The following LRMDA variants were observed in gnomAD, a reference collection of about 807,000 sequenced individuals.
The protein encoded by LRMDA is leucine rich melanocyte differentiation associated, also known as leucine-rich melanocyte differentiation-associated protein.
LRMDA carries 18 observed loss-of-function variants against 29.8 expected under a neutral mutation model. That is an observed-to-expected ratio of 0.60 (90% CI 0.42 to 0.90). The LOEUF is 0.90. LRMDA is among the 40% of genes least tolerant of loss of function. The pLI, the probability that LRMDA is intolerant of heterozygous loss-of-function variation, is 0.00. For missense variants in LRMDA, 273 were observed against 273.9 expected (o/e 1.00, Z 0.02); for synonymous variants, 125 against 109.4 (o/e 1.14, Z -0.89).
At chr10:76,061,018 TG>T (rs1564642372) in intron 5 of LRMDA, among the ~76,000 whole-genome samples, 1 of 152,210 alleles carries the variant, frequency 6.6e-6, no homozygotes, top group African/African-American at 2.4e-5. Flanking sequence ...ATCCTATTAC[TG>T]GGTATATACT....
At chr10:75,628,400 A>G (rs1034268286) in intron 2 of LRMDA, among the ~76,000 whole-genome samples, 1 of 152,336 alleles carries the variant, frequency 6.6e-6, no homozygotes, top group East Asian at 1.9e-4. Flanking sequence ...ATAAGATTTC[A>G]TTCTCTCCTT....
At chr10:76,239,793 C>T (rs1485731036) in intron 5 of LRMDA, among the ~76,000 whole-genome samples, 1 of 151,820 alleles carries the variant, frequency 6.6e-6, no homozygotes, top group Non-Finnish European at 1.5e-5. Context: ...GTATATGGTG[C>T]TGTATACTTC....
At chr10:76,369,089 C>G (rs1472013352) in intron 6 of LRMDA, among the ~76,000 whole-genome samples, 1 of 152,090 alleles carries the variant, frequency 6.6e-6, no homozygotes, top group East Asian at 1.9e-4. Flanking sequence ...AGCATTTAGG[C>G]CATTTACATT....
intron 2 of LRMDA, among the ~76,000 whole-genome samples, chr10:75,691,674 T>C (rs1160206609): frequency 1.3e-5 from 2 of 152,184 alleles, no homozygotes; most frequent in Non-Finnish European, 2.9e-5. Context: ...CTGAGTTTTT[T>C]CTCTGATTAA....
intron 2 of LRMDA, among the ~76,000 whole-genome samples, chr10:75,679,923 A>T (rs1842004254): frequency 6.6e-6 from 1 of 152,202 alleles, no homozygotes. Context: ...AAAAACCCTT[A>T]AATTATCTTA....
rs572923803 is a variant in LRMDA, at chr10:76,265,074, C to T, written c.517-59327C>T. Among the ~76,000 whole-genome samples, 43 of 152,282 alleles carry T rather than the reference C, an allele frequency of 2.8e-4. No homozygotes were observed. In the South Asian group the frequency reaches 4.8e-3, roughly 17 times the overall value. ...AAATGGATTCTCCCTCTTCAACTTT[C>T]GAAACTTATATTTGATCCCCATGGC... On this transcript the variant is annotated intron_variant, in intron 5 of 6. Transcript: ENST00000611255.
chr10:76,453,777 G>A (rs1054283648), intron 6 of LRMDA, among the ~76,000 whole-genome samples: 1 of 152,160 alleles, frequency 6.6e-6, no homozygotes, highest in African/African-American at 2.4e-5. Context: ...TATTAAATTA[G>A]AGCCCAGTTG....
intron 5 of LRMDA, among the ~76,000 whole-genome samples, chr10:76,155,076 G>A (rs1345008405): frequency 2.6e-5 from 4 of 152,146 alleles, no homozygotes; most frequent in Non-Finnish European, 5.9e-5. Context: ...ATTTCCTAGA[G>A]AAGAATGAGA....
chr10:75,987,649 A>G (rs997394855), intron 2 of LRMDA, among the ~76,000 whole-genome samples: 3 of 151,926 alleles, frequency 2.0e-5, no homozygotes, highest in African/African-American at 7.3e-5. Flanking sequence ...CACCCTCTCC[A>G]CTTCGAAGTC....
intron 5 of LRMDA, among the ~76,000 whole-genome samples, chr10:76,084,743 TC>T (rs1849107285): frequency 6.6e-6 from 1 of 152,204 alleles, no homozygotes; most frequent in Admixed American, 6.5e-5. Context: ...GACATTATTA[TC>T]AAAATTATTA....
At chr10:75,889,227 T>G (rs550535541) in intron 2 of LRMDA, among the ~76,000 whole-genome samples, 1 of 152,332 alleles carries the variant, frequency 6.6e-6, no homozygotes, top group East Asian at 1.9e-4. Flanking sequence ...TAGCAAGTGA[T>G]GTAATCTCCC....
intron 2 of LRMDA, among the ~76,000 whole-genome samples, chr10:75,756,117 C>T (rs1183308411): frequency 6.6e-6 from 1 of 152,174 alleles, no homozygotes; most frequent in Non-Finnish European, 1.5e-5. Context: ...TGTGCTGGGG[C>T]AGAGACTTCT....
At chr10:75,597,687 G>A (rs1840811070) in intron 2 of LRMDA, among the ~76,000 whole-genome samples, 1 of 152,150 alleles carries the variant, frequency 6.6e-6, no homozygotes, top group Non-Finnish European at 1.5e-5. Flanking sequence ...TTGGTAGCCT[G>A]TTGGCAAGAA....
chr10:75,770,063 C>T lies in LRMDA; in HGVS notation c.132-265945C>T, dbSNP rs116958378. 7.4e-3 allele frequency among the ~76,000 whole-genome samples: 1,133 copies of T among 152,156 alleles called. 57 individuals are homozygous for T. In the East Asian group the frequency reaches 0.14, roughly 18 times the overall value. On this transcript the variant is annotated intron_variant, in intron 2 of 6. Coordinates refer to ENST00000611255, the MANE Select transcript of LRMDA (RefSeq NM_001305581.2). ...TTGGGAGGCTGAGGCAGGAGGATCG[C>T]TGAGGAAGGAGGATCCTGGGAGTTT...
chr10:75,874,920 T>G (rs74728345), intron 2 of LRMDA, among the ~76,000 whole-genome samples: 2,068 of 152,326 alleles, frequency 0.014, 40 homozygotes, highest in African/African-American at 0.045. Context: ...TTCAGTTCAG[T>G]GAGCCTAAGG....
chr10:75,813,597 G>A (rs1188397777), intron 2 of LRMDA, among the ~76,000 whole-genome samples: 3 of 152,150 alleles, frequency 2.0e-5, no homozygotes, highest in African/African-American at 4.8e-5. Flanking sequence ...TTTGGACGAC[G>A]TGGGACAGAT....
chr10:75,861,616 T>G (rs1844931254), intron 2 of LRMDA, among the ~76,000 whole-genome samples: 1 of 152,256 alleles, frequency 6.6e-6, no homozygotes, highest in Non-Finnish European at 1.5e-5. Flanking sequence ...TCATTGAATA[T>G]TAAAGTGAAA....
rs745385045 is a variant in LRMDA, at chr10:76,090,246, A to G, written c.516+31463A>G. On this transcript the variant is annotated intron_variant, in intron 5 of 6. Transcript: ENST00000611255. The stretch of plus-strand genomic sequence containing the variant: ...ATTAGAGGGAAGGCTTGTTTTCTCA[A>G]GCATCAGCTCTATCTTGCTCTGGGT... Among the ~76,000 whole-genome samples the G allele has an allele frequency of 4.5e-4, 68 of 152,166 alleles. 1 individual carries two copies. The highest frequency in any genetic ancestry group is 2.0e-4 in the Admixed American group (3 of 15,278).
At chr10:75,861,856 T>C (rs978703902) in intron 2 of LRMDA, among the ~76,000 whole-genome samples, 2 of 152,200 alleles carry the variant, frequency 1.3e-5, no homozygotes, top group African/African-American at 4.8e-5. Context: ...TCTTAGTAAA[T>C]GCTTGCACAT....
Sources: gnomAD v4.1 joint callset for allele counts (sites outside exome capture counted in the v4.1 genomes callset) on GRCh38, gnomAD v4.1.1 for gene constraint, MANE v1.5 for transcripts, NCBI Gene and HGNC (gene_info 2026-07-23, HGNC 2026-07-21) for gene names.